Variants in PRKG1 observed in about 807,000 individuals in gnomAD.
PRKG1 encodes protein kinase cGMP-dependent 1, also known as cGMP-dependent protein kinase 1.
In PRKG1, 35 loss-of-function variants were observed where a neutral mutation model predicts 88.1. That is an observed-to-expected ratio of 0.40 (90% CI 0.30 to 0.53). The LOEUF (loss-of-function observed/expected upper bound fraction) is 0.53. PRKG1 is among the 20% of genes least tolerant of loss of function. The pLI is 0.59. For synonymous variants in PRKG1, 303 were observed against 292.5 expected, an observed-to-expected ratio of 1.04 and a Z score of -0.37; for missense variants, 540 against 839.8, an observed-to-expected ratio of 0.64 and a Z score of 4.41.
intron 1 of PRKG1, among the ~76,000 whole-genome samples, chr10:51,121,267 C>T (rs566135014): frequency 3.9e-5 from 6 of 152,186 alleles, no homozygotes; most frequent in South Asian, 4.2e-4. Context: ...TCTGAGAATC[C>T]GAAAGTGGAC....
At chr10:52,119,499 T>G (rs1847765692) in intron 7 of PRKG1, among the ~76,000 whole-genome samples, 1 of 152,200 alleles carries the variant, frequency 6.6e-6, no homozygotes, top group African/African-American at 2.4e-5. Flanking sequence ...CAACTTAACA[T>G]TTTTCAAATT....
chr10:51,007,051 G>A (rs913323464), intron 1 of PRKG1, among the ~76,000 whole-genome samples: 4 of 150,290 alleles, frequency 2.7e-5, no homozygotes, highest in Non-Finnish European at 5.9e-5. Flanking sequence ...CGATTCTCCT[G>A]CCTCCGCCTC....
At chr10:51,792,260 C>G (rs1182632918) in intron 3 of PRKG1, among the ~76,000 whole-genome samples, 1 of 152,088 alleles carries the variant, frequency 6.6e-6, no homozygotes. Context: ...CCTCCTTTCA[C>G]TCTTGATCCC....
intron 3 of PRKG1, among the ~76,000 whole-genome samples, chr10:51,684,169 G>A (rs1840924249): frequency 6.6e-6 from 1 of 152,062 alleles, no homozygotes. Context: ...TCATACAAAA[G>A]AATACTAATT....
At chr10:51,659,225 C>T (rs924983288) in intron 3 of PRKG1, among the ~76,000 whole-genome samples, 17 of 152,058 alleles carry the variant, frequency 1.1e-4, no homozygotes, top group African/African-American at 3.6e-4. Flanking sequence ...CAGTAGAGAA[C>T]AAGCATAAAT....
intron 2 of PRKG1, among the ~76,000 whole-genome samples, chr10:51,211,715 A>G (rs1224771692): frequency 1.3e-5 from 2 of 152,216 alleles, no homozygotes; most frequent in African/African-American, 4.8e-5. Flanking sequence ...TCCCATTCAC[A>G]ATTGCTTCAA....
Position 51,082,483 on chromosome 10 carries a change from G to A in PRKG1, c.311+7582G>A, listed in dbSNP as rs192546124. Among the ~76,000 whole-genome samples, 657 of 152,256 alleles carry A rather than the reference G, an allele frequency of 4.3e-3. 6 individuals carry two copies. The highest frequency in any genetic ancestry group is 0.015 in the African/African-American group (608 of 41,556). On this transcript the variant is annotated intron_variant, in intron 1 of 17. Coordinates refer to ENST00000373980, the MANE Select transcript of PRKG1 (RefSeq NM_006258.4). ...CAAACCAATTAAAATCAGAATGTCC[G>A]GGTGTTGGAAGCTACATATCAGTAA...
chr10:52,026,044 C>A (rs1023896613), intron 5 of PRKG1, among the ~76,000 whole-genome samples: 11 of 151,788 alleles, frequency 7.2e-5, no homozygotes, highest in African/African-American at 2.7e-4. Context: ...CTGTGACAAA[C>A]CTGACAAAAA....
chr10:51,559,710 G>A (rs1328300428), intron 3 of PRKG1, among the ~76,000 whole-genome samples: 3 of 152,022 alleles, frequency 2.0e-5, no homozygotes, highest in African/African-American at 7.2e-5. Flanking sequence ...TAAATCGGTT[G>A]TTGTTATTTC....
chr10:51,383,514 A>G (rs1837168545), intron 2 of PRKG1, among the ~76,000 whole-genome samples: 1 of 152,294 alleles, frequency 6.6e-6, no homozygotes, highest in Admixed American at 6.5e-5. Context: ...GCAGTTGAGA[A>G]AACAGAGGCA....
chr10:51,378,867 G>C (rs1487806383), intron 2 of PRKG1, among the ~76,000 whole-genome samples: 2 of 152,148 alleles, frequency 1.3e-5, no homozygotes, highest in African/African-American at 4.8e-5. Context: ...AGTAAATAGA[G>C]TTAACCATGG....
intron 2 of PRKG1, among the ~76,000 whole-genome samples, chr10:51,206,363 G>T (rs1291898447): frequency 1.3e-5 from 2 of 151,610 alleles, no homozygotes; most frequent in African/African-American, 4.8e-5. Flanking sequence ...CGTGGGGGTG[G>T]GCGCCTGTAA....
At chr10:51,554,059 G>A (rs1019084231) in intron 3 of PRKG1, among the ~76,000 whole-genome samples, 1 of 128,842 alleles carries the variant, frequency 7.8e-6, no homozygotes, top group African/African-American at 3.2e-5. Flanking sequence ...TATGTGATAC[G>A]TGTATATATT....
intron 1 of PRKG1, among the ~76,000 whole-genome samples, chr10:51,078,096 G>A (rs1031338468): frequency 6.6e-6 from 1 of 152,080 alleles, no homozygotes; most frequent in Admixed American, 6.5e-5. Flanking sequence ...CCATTTTCAT[G>A]TCACAGGGTT....
At chr10:51,605,591 A>G (rs888852307) in intron 3 of PRKG1, among the ~76,000 whole-genome samples, 2 of 152,240 alleles carry the variant, frequency 1.3e-5, no homozygotes, top group African/African-American at 2.4e-5. Context: ...AATGTAACAT[A>G]TACTGCTCTG....
At chr10:52,072,960 AATTT>A (rs1387179757) in intron 7 of PRKG1, among the ~76,000 whole-genome samples, 9 of 152,168 alleles carry the variant, frequency 5.9e-5, no homozygotes, top group Non-Finnish European at 1.2e-4. Context: ...AAACAATAGC[AATTT>A]ATTCTTTCAC....
chr10:52,112,863 C>A (rs1343220110), intron 7 of PRKG1, among the ~76,000 whole-genome samples: 6 of 152,008 alleles, frequency 3.9e-5, no homozygotes, highest in Admixed American at 3.3e-4. Context: ...CTACGGTCGT[C>A]CAAGAAAACA....
Position 52,294,399 on chromosome 10 carries a change from A to G in PRKG1, c.*499A>G, listed in dbSNP as rs1842337896. 6.6e-6 allele frequency: 1 copy of G among 152,508 alleles called. No homozygotes were observed. Among genetic ancestry groups the G allele is most frequent in the African/African-American group, 2.4e-5 (1 of 41,582 alleles). 9.4% of individuals were successfully genotyped at this position (152,508 alleles called of 1,614,324 possible). ...TATACCATACAAAAGAGGACCACAC[A>G]TCTGTTGGTCACAGAGTTCATGTCA... On this transcript the variant is annotated 3_prime_UTR_variant, in exon 18 of 18. Coordinates refer to ENST00000373980, the MANE Select transcript of PRKG1 (RefSeq NM_006258.4).
intron 14 of PRKG1, among the ~76,000 whole-genome samples, chr10:52,287,184 A>G (rs889901907): frequency 1.3e-5 from 2 of 152,024 alleles, no homozygotes; most frequent in African/African-American, 4.8e-5. Context: ...AAAGTAAAAA[A>G]TGAAAACTGG....
Sources: allele counts gnomAD v4.1 joint callset (sites outside exome capture counted in the v4.1 genomes callset), GRCh38; gene constraint gnomAD v4.1.1; transcripts MANE v1.5; gene names NCBI Gene and HGNC (gene_info 2026-07-23, HGNC 2026-07-21).